The following DLGAP2 variants were observed in gnomAD, a reference collection of about 807,000 sequenced individuals.
DLGAP2 encodes the protein disks large-associated protein 2.
In DLGAP2, 26 loss-of-function variants were observed where a neutral mutation model predicts 100.3. The observed-to-expected ratio is 0.26, with a 90% CI of 0.19 to 0.36. DLGAP2 has a LOEUF of 0.36. Ranked by LOEUF, DLGAP2 falls within the 10% of genes least tolerant of loss-of-function variation. DLGAP2 has a pLI of 1.00. For missense variants in DLGAP2, 1,858 were observed against 1,453.2 expected, an observed-to-expected ratio of 1.28 and a Z score of -4.53; for synonymous variants, 886 against 630.1, an observed-to-expected ratio of 1.41 and a Z score of -6.08.
rs1218850006 is a variant in DLGAP2 at position 1,251,019 on chromosome 8, GT to G, written c.74-7831del. Among the ~76,000 whole-genome samples, 3 of 152,320 alleles carry G rather than the reference GT, an allele frequency of 2.0e-5. No homozygotes were observed. The East Asian group carries it at 5.8e-4, about 29-fold the overall frequency. On this transcript the variant is annotated intron_variant, in intron 2 of 14. Transcript: ENST00000637795. Reference sequence around the variant, plus strand: ...TTTAGGGGTTGGCTTTCTGCTACGTGTATTTTTTCTGTGTACATCAACTATC... The same window carrying G: ...TTTAGGGGTTGGCTTTCTGCTACGTGATTTTTTCTGTGTACATCAACTATC...
intron 1 of DLGAP2, among the ~76,000 whole-genome samples, chr8:756,637 T>G (rs1328302689): frequency 6.6e-6 from 1 of 152,126 alleles, no homozygotes; most frequent in Admixed American, 6.5e-5. Flanking sequence ...CTATGCAAGC[T>G]GAAAGATCGT....
chr8:1,076,223 C>T lies in DLGAP2; in HGVS notation c.73+168257C>T, dbSNP rs560339717. ...CCTCTCCCCTCACCCCTGTGCCACC[C>T]GCCTTCCTGCCTGTGAAGGAATGAG... is the stretch of plus-strand genomic sequence containing the variant. On this transcript the variant is annotated intron_variant, in intron 2 of 14. Coordinates refer to ENST00000637795, the MANE Select transcript of DLGAP2 (RefSeq NM_001346810.2). Among the ~76,000 whole-genome samples, 5 of 152,294 alleles carry T rather than the reference C, an allele frequency of 3.3e-5. No individual in the cohort carries two copies. The South Asian group carries it at 1.0e-3, about 32-fold the overall frequency.
At chr8:950,438 T>C (rs150225096) in intron 2 of DLGAP2, among the ~76,000 whole-genome samples, 10 of 152,310 alleles carry the variant, frequency 6.6e-5, no homozygotes, top group Admixed American at 5.9e-4. Flanking sequence ...GGTCACGTCA[T>C]GTCACTTGCA....
intron 2 of DLGAP2, among the ~76,000 whole-genome samples, chr8:1,206,847 A>G (rs1798007192): frequency 6.6e-6 from 1 of 152,118 alleles, no homozygotes; most frequent in African/African-American, 2.4e-5. Context: ...TGACACAGCA[A>G]GGTTTTCCTA....
chr8:1,134,822 T>C (rs551764731), intron 2 of DLGAP2, among the ~76,000 whole-genome samples: 247 of 152,114 alleles, frequency 1.6e-3, no homozygotes, highest in South Asian at 7.9e-3. Context: ...ATTTATAATA[T>C]AAACCAGATC....
chr8:1,098,233 A>G (rs1447252207), intron 2 of DLGAP2, among the ~76,000 whole-genome samples: 1 of 152,198 alleles, frequency 6.6e-6, no homozygotes, highest in African/African-American at 2.4e-5. Flanking sequence ...TCCGCACACC[A>G]GTTTGTTTCC....
intron 3 of DLGAP2, among the ~76,000 whole-genome samples, chr8:1,278,767 C>G (rs184364131): frequency 6.6e-6 from 1 of 152,168 alleles, no homozygotes; most frequent in Non-Finnish European, 1.5e-5. Flanking sequence ...ATCCCTTTGA[C>G]AATGAAAGGC....
intron 2 of DLGAP2, among the ~76,000 whole-genome samples, chr8:965,408 A>T (rs1388884371): frequency 4.6e-5 from 3 of 64,570 alleles, no homozygotes; most frequent in African/African-American, 7.1e-5. Context: ...ACGCGGCTCC[A>T]GAGCCCGACC....
chr8:1,256,740 C>T (rs1192652412), intron 2 of DLGAP2, among the ~76,000 whole-genome samples: 1 of 152,162 alleles, frequency 6.6e-6, no homozygotes, highest in African/African-American at 2.4e-5. Flanking sequence ...TCCCCACTTT[C>T]TGCAGAATTT....
chr8:1,533,465 C>T (rs1801054034), intron 4 of DLGAP2, among the ~76,000 whole-genome samples: 1 of 151,644 alleles, frequency 6.6e-6, no homozygotes, highest in Admixed American at 6.6e-5. Context: ...GAGATCGCGC[C>T]ACTGCATTCC....
At chr8:1,700,139 G>T (rs1799526422) in intron 14 of DLGAP2, among the ~76,000 whole-genome samples, 1 of 152,160 alleles carries the variant, frequency 6.6e-6, no homozygotes, top group Non-Finnish European at 1.5e-5. Context: ...TCTTGCCACA[G>T]GCCTCCTCCG....
intron 4 of DLGAP2, among the ~76,000 whole-genome samples, chr8:1,534,724 C>A (rs1011613383): frequency 6.6e-6 from 1 of 152,030 alleles, no homozygotes; most frequent in African/African-American, 2.4e-5. Flanking sequence ...ACCTGCTGGT[C>A]AAAGATTAAT....
At chr8:1,342,975 C>G (rs67397247) in intron 3 of DLGAP2, among the ~76,000 whole-genome samples, 11,021 of 152,296 alleles carry the variant, frequency 0.072, 1,030 homozygotes, top group African/African-American at 0.22. Flanking sequence ...CATGGTCGTG[C>G]ATGGGTGCGG....
At chr8:1,693,987 G>T (rs1799317793) in intron 13 of DLGAP2, among the ~76,000 whole-genome samples, 1 of 152,178 alleles carries the variant, frequency 6.6e-6, no homozygotes, top group Non-Finnish European at 1.5e-5. Flanking sequence ...GGCAGGCACT[G>T]TCTTTAGGAA....
intron 2 of DLGAP2, among the ~76,000 whole-genome samples, chr8:914,035 A>G (rs1456629308): frequency 6.6e-6 from 1 of 152,266 alleles, no homozygotes; most frequent in Non-Finnish European, 1.5e-5. Context: ...TACACATACA[A>G]GATTAAATAT....
chr8:1,359,327 A>G (rs969355044), intron 3 of DLGAP2, among the ~76,000 whole-genome samples: 8 of 152,200 alleles, frequency 5.3e-5, no homozygotes, highest in Admixed American at 4.6e-4. Context: ...CCTTCACCCA[A>G]AGAGAGGCCA....
chr8:743,471 A>T (rs955211080), intron 1 of DLGAP2, among the ~76,000 whole-genome samples: 2 of 152,224 alleles, frequency 1.3e-5, no homozygotes, highest in African/African-American at 4.8e-5. Flanking sequence ...GTATTTTTTA[A>T]TGATTTTGTC....
In DLGAP2 at chr8:1,701,202, C is replaced by A; in HGVS notation, c.2964C>A (p.Val988=). The A allele has an allele frequency of 6.4e-7, 1 of 1,565,288 alleles. No homozygotes were observed. Among genetic ancestry groups the A allele is most frequent in the Non-Finnish European group, 8.7e-7 (1 of 1,155,626 alleles). Residue 988 remains valine, a synonymous_variant, in exon 15 of 15, where the codon GTC becomes GTA. Coordinates refer to ENST00000637795, the MANE Select transcript of DLGAP2 (RefSeq NM_001346810.2). ...ESPERKEERK[V]PPPIPKKPPK... ...CTGCTTTTCAGGAAGAAAGAAAGGT[C>A]CCGCCTCCAATACCAAAGAAGCCTC...
At chr8:772,957 A>G (rs1821404626) in intron 1 of DLGAP2, among the ~76,000 whole-genome samples, 1 of 152,196 alleles carries the variant, frequency 6.6e-6, no homozygotes, top group African/African-American at 2.4e-5. Context: ...CCATCAGCAC[A>G]CACACTCCAT....
Sources: allele counts gnomAD v4.1 joint callset (sites outside exome capture counted in the v4.1 genomes callset), GRCh38; gene constraint gnomAD v4.1.1; transcripts MANE v1.5; gene names NCBI Gene and HGNC (gene_info 2026-07-23, HGNC 2026-07-21).